The following UVSSA variants were observed in gnomAD, a reference collection of about 807,000 sequenced individuals.
The protein encoded by UVSSA is UV stimulated scaffold protein A.
A neutral mutation model predicts 73.9 loss-of-function variants in UVSSA; 72 were observed. That is an observed-to-expected ratio of 0.97 (90% CI 0.81 to 1.19). The LOEUF is 1.19. Ranked by LOEUF, UVSSA falls within the 50% of genes most tolerant of loss-of-function variation. The pLI is 0.00. For missense variants in UVSSA, 1,150 were observed against 965.0 expected (o/e 1.19, Z -2.54); for synonymous variants, 454 against 391.3 (o/e 1.16, Z -1.89).
chr4:1,376,097 GC>G lies in UVSSA; in HGVS notation c.1499del (p.Pro500LeufsTer84). The G allele has an allele frequency of 6.2e-7, 1 of 1,602,818 alleles. No individual in the cohort carries two copies. Among genetic ancestry groups the G allele is most frequent in the Non-Finnish European group, 8.5e-7 (1 of 1,175,060 alleles). On this transcript the variant is annotated frameshift_variant, in exon 10 of 14. Coordinates refer to ENST00000389851, the MANE Select transcript of UVSSA (RefSeq NM_020894.4). LOFTEE classifies it high-confidence loss of function. ...AGCTGGCAGCAGAGCGGGCCCGGGC[GC>G]CTGTGGTGCCCTACGGCGTGGACCT... Reference protein sequence around the residue: ...QKLAAERARAPVVPYGVDLHY... With the variant: ...QKLAAERARAXVVPYGVDLHY...
intron 8 of UVSSA, among the ~76,000 whole-genome samples, chr4:1,367,746 C>T (rs778237379): frequency 3.3e-5 from 5 of 152,140 alleles, no homozygotes; most frequent in Non-Finnish European, 4.4e-5. Flanking sequence ...AGGCAGAAGC[C>T]GAGGGACCTG....
At chr4:1,346,851 T>C (rs1713756640), upstream of UVSSA, among the ~76,000 whole-genome samples, 1 of 152,116 alleles carries the variant, frequency 6.6e-6, no homozygotes, top group African/African-American at 2.4e-5. Flanking sequence ...CTTTAAGGAC[T>C]TTCTGCGCCC....
intron 7 of UVSSA, chr4:1,358,194 C>T (rs2109132042): frequency 6.5e-6 from 1 of 152,732 alleles, no homozygotes; most frequent in South Asian, 2.1e-4. Context: ...CTGTGTGCAT[C>T]CTCTTGAGAT....
downstream of UVSSA, chr4:1,388,769 A>G (rs1720330528): frequency 6.6e-6 from 1 of 152,196 alleles, no homozygotes; most frequent in Non-Finnish European, 1.5e-5. Flanking sequence ...TGTTTCTCAT[A>G]TATTGAACCG....
At chr4:1,348,282 A>G in intron 2 of UVSSA, 93 bp downstream of exon 2, 1 of 956,204 alleles carries the variant, frequency 1.0e-6, no homozygotes, top group Non-Finnish European at 1.7e-6. Context: ...CTGGGAGAGA[A>G]CCACCCGAGG....
In UVSSA at chr4:1,349,554, C is replaced by T. The variant is rs1270122198; in HGVS notation, c.129C>T (p.Tyr43=). The change falls in exon 3 of 14, where the codon TAC becomes TAT. Residue 43 remains tyrosine, a synonymous_variant. Coordinates refer to ENST00000389851, the MANE Select transcript of UVSSA (RefSeq NM_020894.4). Reference sequence around the variant, plus strand: ...CAGAGGAGCAGCTGAGCCGCGCCTACCGCCTGCTGATAGCACAGCTGACCC... The same window carrying T: ...CAGAGGAGCAGCTGAGCCGCGCCTATCGCCTGCTGATAGCACAGCTGACCC... ...KSSEEQLSRA[Y]RLLIAQLTQE... 3 of 1,613,800 alleles carry T rather than the reference C, an allele frequency of 1.9e-6. No homozygotes were observed. In the Admixed American group the frequency reaches 5.0e-5, roughly 27 times the overall value.
upstream of UVSSA, among the ~76,000 whole-genome samples, chr4:1,344,284 C>G (rs551118058): frequency 6.6e-6 from 1 of 152,202 alleles, no homozygotes; most frequent in South Asian, 2.1e-4. Context: ...GGTGCAGTGG[C>G]TCATGCCTGT....
At position 1,394,813 on chromosome 4, in the gene UVSSA, C is replaced by A. The variant is rs764306229; in HGVS notation, c.*8852C>A. On this transcript the variant is annotated 3_prime_UTR_variant, in exon 14 of 14. Transcript: ENST00000511216. The stretch of plus-strand genomic sequence containing the variant: ...GAGTGCCACCTGCTCACACACGTGC[C>A]CATGTGGAGTGCCCGCCTGCTCACG... 3 of 1,515,520 alleles carry A rather than the reference C, an allele frequency of 2.0e-6. No individual in the cohort carries two copies. In the African/African-American group the frequency reaches 4.6e-5, roughly 23 times the overall value. 93.9% of individuals were successfully genotyped at this position (1,515,520 alleles called of 1,614,324 possible).
chr4:1,361,938 C>A (rs553850946), intron 7 of UVSSA, among the ~76,000 whole-genome samples: 1 of 151,680 alleles, frequency 6.6e-6, no homozygotes, highest in African/African-American at 2.4e-5. Flanking sequence ...TAATTGAGAC[C>A]GCGTACCAAG....
At chr4:1,357,823 C>G (rs1402681625) in intron 7 of UVSSA, 3 of 152,316 alleles carry the variant, frequency 2.0e-5, no homozygotes, top group African/African-American at 7.2e-5. Flanking sequence ...CCCCTCCTGC[C>G]TCAGGGATGC....
chr4:1,363,700 T>C (rs1024261749), intron 7 of UVSSA, among the ~76,000 whole-genome samples: 5 of 152,236 alleles, frequency 3.3e-5, no homozygotes, highest in African/African-American at 1.2e-4. Context: ...GGCTTGTTGT[T>C]ATTCAGACGT....
chr4:1,348,819 G>C (rs1010405781), intron 2 of UVSSA, among the ~76,000 whole-genome samples: 3 of 152,234 alleles, frequency 2.0e-5, no homozygotes, highest in African/African-American at 7.2e-5. Flanking sequence ...CCAGGAAATC[G>C]AATTCGCAAT....
Position 1,380,906 on chromosome 4 carries a change from A to G in UVSSA, c.1779A>G (p.Pro593=), listed in dbSNP as rs1481202742. 1 of 1,613,076 alleles carries G rather than the reference A, an allele frequency of 6.2e-7. No homozygotes were observed. Among genetic ancestry groups the G allele is most frequent in the East Asian group, 2.2e-5 (1 of 44,864 alleles). ...GCCCTTTCCATGGGAAGATTGTTCC[A>G]CGGGACGACGAAGGACGGCCGCTCG... The part of the protein sequence containing the change: ...LKCPFHGKIV[P]RDDEGRPLDP... The change falls in exon 12 of 14, where the codon CCA becomes CCG. Residue 593 remains proline, a synonymous_variant. Coordinates refer to ENST00000389851, the MANE Select transcript of UVSSA (RefSeq NM_020894.4).
chr4:1,370,306 CAT>C lies in UVSSA; in HGVS notation c.1288+3876_1288+3877del, dbSNP rs142721732. On this transcript the variant is annotated intron_variant, in intron 8 of 13. Transcript: ENST00000389851. ...GTGTGCTGACAGCCCGTATCTGTGT[CAT>C]GTGTATTGCCGGAATACTGAGGGGC... Among the ~76,000 whole-genome samples the C allele has an allele frequency of 3.6e-3, 543 of 152,304 alleles. 3 individuals carry two copies. Among genetic ancestry groups the C allele is most frequent in the African/African-American group, 0.012 (491 of 41,558 alleles).
Position 1,375,387 on chromosome 4 carries a change from G to A in UVSSA, c.1312G>A (p.Asp438Asn), listed in dbSNP as rs1560473581. 3 of 1,613,542 alleles carry A rather than the reference G, an allele frequency of 1.9e-6. No homozygotes were observed. Among genetic ancestry groups the A allele is most frequent in the Admixed American group, 1.7e-5 (1 of 60,008 alleles). ...EYGLEAAPEK[D>N]TVVRCLRTRT... ...AGGGCTGGAGGCAGCACCAGAGAAA[G>A]ACACAGTTGTGCGGTGCTTGCGGAC... The change falls in exon 9 of 14, where the codon GAC becomes AAC. Residue 438 changes from aspartate (D) to asparagine (N), a missense_variant. Transcript: ENST00000389851.
At chr4:1,378,342 C>T (rs892408787) in intron 10 of UVSSA, among the ~76,000 whole-genome samples, 3 of 152,166 alleles carry the variant, frequency 2.0e-5, no homozygotes, top group Non-Finnish European at 4.4e-5. Flanking sequence ...CACTTGAGGC[C>T]AGGAGTTCGA....
intron 7 of UVSSA, among the ~76,000 whole-genome samples, chr4:1,361,109 G>A (rs967066723): frequency 5.9e-5 from 9 of 152,232 alleles, no homozygotes; most frequent in African/African-American, 1.9e-4. Context: ...GGCAGCCCCG[G>A]GGACCCAGCA....
rs776372436 is a variant in UVSSA, at chr4:1,383,916, G to T, written c.2012G>T (p.Arg671Leu). Residue 671 changes from arginine (R) to leucine (L), a missense_variant, in exon 13 of 14, where the codon CGC becomes CTC. Physicochemically the swap from Arg to Leu is moderately radical, Grantham distance 102 (BLOSUM62 -2). Transcript: ENST00000389851. ...GCTCAGGCTGATACCGCCCGCGCTC[G>T]CATTGGGAGAAAAGTCTTCGCCAAG... ...LKAQADTARA[R>L]IGRKVFAKAA... 3.5e-5 allele frequency: 56 copies of T among 1,612,468 alleles called. No homozygotes were observed. The Admixed American group carries it at 5.0e-4, about 14-fold the overall frequency.
intron 7 of UVSSA, among the ~76,000 whole-genome samples, chr4:1,364,303 A>G (rs13151451): frequency 2.5e-5 from 1 of 40,214 alleles, no homozygotes; most frequent in East Asian, 5.9e-4. Flanking sequence ...GCCCCGTGGC[A>G]TTGTGTGGCC....
Sources: gnomAD v4.1 joint callset for allele counts (sites outside exome capture counted in the v4.1 genomes callset) on GRCh38, gnomAD v4.1.1 for gene constraint, MANE v1.5 for transcripts, NCBI Gene and HGNC (gene_info 2026-07-23, HGNC 2026-07-21) for gene names.